The following GRIK2 variants were observed in gnomAD, a reference collection of about 807,000 sequenced individuals.
GRIK2 encodes the protein glutamate ionotropic receptor kainate type subunit 2.
Under a neutral mutation model 100.3 loss-of-function variants are expected in GRIK2, and 32 were observed. The observed-to-expected ratio is 0.32, with a 90% CI of 0.24 to 0.43. GRIK2 has a LOEUF of 0.43. Ranked by LOEUF, GRIK2 falls within the 20% of genes least tolerant of loss-of-function variation. The probability of loss-of-function intolerance (pLI) is 1.00; values close to 1 mark genes in which losing one functional copy is unlikely to be tolerated. For synonymous variants in GRIK2, 417 were observed against 389.4 expected (o/e 1.07, Z -0.83); for missense variants, 843 against 1,114.9 (o/e 0.76, Z 3.47).
At chr6:101,955,815 T>TGTAA (rs1403132056) in intron 14 of GRIK2, among the ~76,000 whole-genome samples, 1 of 152,142 alleles carries the variant, frequency 6.6e-6, no homozygotes, top group Admixed American at 6.6e-5. Context: ...GCTAAAAGTT[T>TGTAA]GTAAGTATTG....
intron 11 of GRIK2, among the ~76,000 whole-genome samples, chr6:101,869,499 T>C (rs1190029121): frequency 6.6e-6 from 1 of 151,882 alleles, no homozygotes; most frequent in African/African-American, 2.4e-5. Flanking sequence ...GCAAAAGATA[T>C]GGCCACTGAA....
At chr6:101,451,876 G>T (rs968748972) in intron 2 of GRIK2, among the ~76,000 whole-genome samples, 5 of 151,556 alleles carry the variant, frequency 3.3e-5, no homozygotes, top group South Asian at 2.1e-4. Flanking sequence ...CTTTCCTATG[G>T]AGACACTTTG....
chr6:101,902,901 G>C (rs1787963915), intron 12 of GRIK2, among the ~76,000 whole-genome samples: 1 of 151,868 alleles, frequency 6.6e-6, no homozygotes, highest in African/African-American at 2.4e-5. Flanking sequence ...CATGTTGTTT[G>C]AATTAATAGG....
chr6:101,867,202 C>T (rs959141159), intron 11 of GRIK2, among the ~76,000 whole-genome samples: 2 of 151,846 alleles, frequency 1.3e-5, no homozygotes, highest in Admixed American at 6.6e-5. Context: ...AGTACCTCCC[C>T]CCAACACACC....
At chr6:101,840,044 A>C (rs919204212) in intron 10 of GRIK2, among the ~76,000 whole-genome samples, 2 of 152,162 alleles carry the variant, frequency 1.3e-5, no homozygotes, top group Non-Finnish European at 2.9e-5. Flanking sequence ...CTCAGGGAGC[A>C]CATACGTGTT....
intron 10 of GRIK2, among the ~76,000 whole-genome samples, chr6:101,832,752 C>T (rs139170625): frequency 1.1e-3 from 174 of 152,276 alleles, no homozygotes; most frequent in African/African-American, 4.1e-3. Context: ...CCCACTCTTT[C>T]AATACAGGTG....
intron 14 of GRIK2, among the ~76,000 whole-genome samples, chr6:102,029,021 A>G (rs1345268683): frequency 6.6e-6 from 1 of 151,256 alleles, no homozygotes; most frequent in Non-Finnish European, 1.5e-5. Flanking sequence ...TTTATTTTAT[A>G]TATTTCTCTT....
intron 2 of GRIK2, among the ~76,000 whole-genome samples, chr6:101,582,026 GT>G (rs1778125221): frequency 6.6e-6 from 1 of 151,986 alleles, no homozygotes; most frequent in Admixed American, 6.6e-5. Flanking sequence ...CCTTGTGATA[GT>G]GAGTTCTCAT....
Position 101,790,357 on chromosome 6 carries a change from T to G in GRIK2, c.952-9291T>G, listed in dbSNP as rs996951790. 5.3e-5 allele frequency among the ~76,000 whole-genome samples: 8 copies of G among 152,288 alleles called. No individual in the cohort carries two copies. In the East Asian group the frequency reaches 1.5e-3, roughly 29 times the overall value. On this transcript the variant is annotated intron_variant, in intron 7 of 16. Transcript: ENST00000369134. The stretch of plus-strand genomic sequence containing the variant: ...TGGCTGTGGGTTTGTCATAGATAGC[T>G]CTTAATATTTTGAGATACGTCACAT...
intron 7 of GRIK2, among the ~76,000 whole-genome samples, chr6:101,719,139 T>TTTG: frequency 6.4e-4 from 3 of 4,694 alleles, no homozygotes; most frequent in African/African-American, 8.4e-4. Flanking sequence ...GCTGCAAGGG[T>TTTG]TTTTTTTTTT....
chr6:101,940,457 C>T (rs1340272), intron 14 of GRIK2, among the ~76,000 whole-genome samples: 123,053 of 151,992 alleles, frequency 0.81, 49,972 homozygotes, highest in East Asian at 0.92. Context: ...CTAACCTGTT[C>T]CCATCTTTAT....
In GRIK2 at chr6:101,874,894, T is replaced by A. The variant is rs11969372; in HGVS notation, c.1525-14746T>A. On this transcript the variant is annotated intron_variant, in intron 11 of 16. Coordinates refer to ENST00000369134, the MANE Select transcript of GRIK2 (RefSeq NM_021956.5). ...GGAGTTCACTCATGATTTGGCTCTC[T>A]GTTTGTCTGTTATTGGTGTATAAGA... 3.7e-3 allele frequency among the ~76,000 whole-genome samples: 569 copies of A among 152,224 alleles called. 4 individuals carry two copies. Among genetic ancestry groups the A allele is most frequent in the African/African-American group, 0.013 (539 of 41,536 alleles).
chr6:101,467,915 T>C (rs1370682088), intron 2 of GRIK2, among the ~76,000 whole-genome samples: 1 of 151,974 alleles, frequency 6.6e-6, no homozygotes, highest in African/African-American at 2.4e-5. Context: ...TTTCATTTTT[T>C]GCATGCCCAC....
chr6:102,010,997 T>C (rs1409927279), intron 14 of GRIK2, among the ~76,000 whole-genome samples: 2 of 152,134 alleles, frequency 1.3e-5, no homozygotes, highest in Non-Finnish European at 2.9e-5. Flanking sequence ...CTGTAAACAT[T>C]CATGAATAGG....
intron 10 of GRIK2, among the ~76,000 whole-genome samples, chr6:101,850,530 A>G (rs1784073914): frequency 6.6e-6 from 1 of 152,030 alleles, no homozygotes; most frequent in Non-Finnish European, 1.5e-5. Flanking sequence ...GAGCTGAGAG[A>G]TACATGAGTT....
At chr6:102,006,388 A>ATTT (rs1391488839) in intron 14 of GRIK2, among the ~76,000 whole-genome samples, 84 of 111,888 alleles carry the variant, frequency 7.5e-4, no homozygotes, top group African/African-American at 2.6e-3. Context: ...ATATATATAT[A>ATTT]TATTTTTTTT....
At chr6:102,067,799 G>A (rs976854903) in intron 16 of GRIK2, among the ~76,000 whole-genome samples, 1 of 151,646 alleles carries the variant, frequency 6.6e-6, no homozygotes, top group African/African-American at 2.4e-5. Flanking sequence ...GTTTCTATAG[G>A]CATAATCACA....
intron 11 of GRIK2, among the ~76,000 whole-genome samples, chr6:101,867,192 A>C (rs1321469305): frequency 6.6e-6 from 1 of 151,964 alleles, no homozygotes; most frequent in Non-Finnish European, 1.5e-5. Context: ...TTTCTGAAGC[A>C]GTACCTCCCC....
intron 7 of GRIK2, among the ~76,000 whole-genome samples, chr6:101,781,908 G>A (rs2128402223): frequency 6.6e-6 from 1 of 151,996 alleles, no homozygotes; most frequent in Non-Finnish European, 1.5e-5. Flanking sequence ...AGATCAAAGT[G>A]CCAGTATGGG....
Sources: allele counts gnomAD v4.1 joint callset (sites outside exome capture counted in the v4.1 genomes callset), GRCh38; gene constraint gnomAD v4.1.1; transcripts MANE v1.5; gene names NCBI Gene and HGNC (gene_info 2026-07-23, HGNC 2026-07-21).